Variants in MEI1 observed in about 807,000 individuals in gnomAD.
The protein encoded by MEI1 is meiosis inhibitor protein 1.
MEI1 carries 103 observed loss-of-function variants against 146.2 expected under a neutral mutation model. The observed-to-expected ratio is 0.70, with a 90% CI of 0.60 to 0.83. The LOEUF is 0.83. Ranked by LOEUF, MEI1 falls within the 40% of genes least tolerant of loss-of-function variation. The pLI is 0.00. For missense variants in MEI1, 1,529 were observed against 1,533.0 expected, an observed-to-expected ratio of 1.00 and a Z score of 0.04; for synonymous variants, 652 against 628.2, an observed-to-expected ratio of 1.04 and a Z score of -0.57.
intron 5 of MEI1, among the ~76,000 whole-genome samples, chr22:41,716,596 G>C (rs1383166364): frequency 8.0e-5 from 12 of 150,612 alleles, no homozygotes; most frequent in Non-Finnish European, 1.6e-4. Context: ...GGCTGGTCTT[G>C]ACCTCCCAAC....
At chr22:41,733,692 C>T (rs1378930169) in intron 11 of MEI1, among the ~76,000 whole-genome samples, 2 of 151,774 alleles carry the variant, frequency 1.3e-5, no homozygotes, top group Admixed American at 6.6e-5. Flanking sequence ...GCCAAGATTG[C>T]GCCACTGCAC....
intron 6 of MEI1, among the ~76,000 whole-genome samples, chr22:41,723,430 G>A (rs2071043743): frequency 2.0e-5 from 3 of 152,092 alleles, no homozygotes; most frequent in Admixed American, 6.6e-5. Context: ...GGCCAGGCTG[G>A]TCTTGAACTC....
In MEI1 at chr22:41,781,406, C is replaced by A. The variant is rs201742396; in HGVS notation, c.2926+12C>A. The A allele has an allele frequency of 1.9e-6, 3 of 1,594,016 alleles. No homozygotes were observed. The South Asian group carries it at 3.4e-5, about 18-fold the overall frequency. On this transcript the variant is annotated intron_variant, in intron 23 of 30. Coordinates refer to ENST00000401548, the MANE Select transcript of MEI1 (RefSeq NM_152513.4). The stretch of plus-strand genomic sequence containing the variant: ...CAGTCAGAAAAGAGGTGCAGGGGCC[C>A]GGGCTGGGACAGTGAAGAGTGCTGG...
chr22:41,743,149 C>T lies in MEI1; in HGVS notation c.1401C>T (p.Asn467=). Residue 467 remains asparagine (N), a synonymous_variant, in exon 12 of 31, where the codon AAC becomes AAT. Transcript: ENST00000401548. Reference sequence around the variant, plus strand: ...AGGCTTTGCTAGAAGCCATGCTAAACCGATGTGCGGAGTTTTCCCAGACCT... The same window carrying T: ...AGGCTTTGCTAGAAGCCATGCTAAATCGATGTGCGGAGTTTTCCCAGACCT... The part of the protein sequence containing the change: ...ELQALLEAML[N]RCAEFSQTLL... 1.2e-6 allele frequency: 2 copies of T among 1,613,348 alleles called. No homozygotes were observed. The highest frequency in any genetic ancestry group is 1.8e-4 in the Middle Eastern group (1 of 5,624).
In MEI1 at chr22:41,781,402, G is replaced by T. The variant is rs754806607; in HGVS notation, c.2926+8G>T. On this transcript the variant is annotated splice_region_variant and intron_variant, in intron 23 of 30. Coordinates refer to ENST00000401548, the MANE Select transcript of MEI1 (RefSeq NM_152513.4). Reference sequence around the variant, plus strand: ...CCAGCAGTCAGAAAAGAGGTGCAGGGGCCCGGGCTGGGACAGTGAAGAGTG... The same window carrying T: ...CCAGCAGTCAGAAAAGAGGTGCAGGTGCCCGGGCTGGGACAGTGAAGAGTG... 2.6e-5 allele frequency: 42 copies of T among 1,600,526 alleles called. No individual in the cohort carries two copies. Among genetic ancestry groups the T allele is most frequent in the Non-Finnish European group, 8.5e-6 (10 of 1,171,934 alleles).
rs1291661536 is a variant in MEI1, at chr22:41,705,522, A to C, written c.317A>C (p.Glu106Ala). The C allele has an allele frequency of 6.2e-7, 1 of 1,613,562 alleles. No individual in the cohort carries two copies. Among genetic ancestry groups the C allele is most frequent in the African/African-American group, 1.3e-5 (1 of 74,876 alleles). ...CTCCAAGGACTATTATGCAGCATGGAAGATGGGAGTGTGACAGACCTCTGT... is the reference window on the plus strand; with the variant it reads ...CTCCAAGGACTATTATGCAGCATGGCAGATGGGAGTGTGACAGACCTCTGT... ...SVLFGLLCSM[E>A]DGSVTDLCIE... Residue 106 changes from glutamate to alanine, a missense_variant, in exon 3 of 31, where the codon GAA becomes GCA. Physicochemically the swap from Glu to Ala is moderately radical, Grantham distance 107. Coordinates refer to ENST00000401548, the MANE Select transcript of MEI1 (RefSeq NM_152513.4).
At position 41,752,629 on chromosome 22, in the gene MEI1, G is replaced by T; in HGVS notation, c.1831G>T (p.Ala611Ser). The T allele has an allele frequency of 1.3e-6, 2 of 1,598,790 alleles. No homozygotes were observed. Among genetic ancestry groups the T allele is most frequent in the Non-Finnish European group, 1.7e-6 (2 of 1,172,798 alleles). ...SFIRLTLELKARFCSGLSHSA... is the reference protein window; with the variant it reads ...SFIRLTLELKSRFCSGLSHSA... ...CATACGACTGACCCTGGAGCTGAAG[G>T]CCAGGTTTTGCAGTGGTCTGAGGTA... Residue 611 changes from alanine to serine, a missense_variant, in exon 16 of 31, where the codon GCC (alanine) becomes TCC (serine). By Grantham distance (99) the Ala-to-Ser change is moderately conservative. Transcript: ENST00000401548.
At chr22:41,726,384 A>C (rs953075408) in intron 7 of MEI1, among the ~76,000 whole-genome samples, 2 of 152,242 alleles carry the variant, frequency 1.3e-5, no homozygotes, top group Admixed American at 6.5e-5. Context: ...AACTTAACTT[A>C]AAAGCAGTAA....
In MEI1 at chr22:41,703,473, T is replaced by C. The variant is rs2068860287; in HGVS notation, c.298+19T>C. The C allele has an allele frequency of 1.2e-5, 18 of 1,545,656 alleles. No individual in the cohort carries two copies. Among genetic ancestry groups the C allele is most frequent in the Non-Finnish European group, 1.5e-5 (17 of 1,146,386 alleles). On this transcript the variant is annotated intron_variant, in intron 2 of 30. Coordinates refer to ENST00000401548, the MANE Select transcript of MEI1 (RefSeq NM_152513.4). ...CTTTTTGGTAAGATTAAGAGGGAAA[T>C]TTGACATGAGTTTTGAATGTATAGT...
At chr22:41,756,474 T>G (rs1268788775) in intron 17 of MEI1, among the ~76,000 whole-genome samples, 1 of 151,910 alleles carries the variant, frequency 6.6e-6, no homozygotes, top group African/African-American at 2.4e-5. Context: ...GTCTTTTTCT[T>G]TCCTTTTTTT....
intron 3 of MEI1, among the ~76,000 whole-genome samples, chr22:41,709,692 ACCTGGTT>A (rs937410516): frequency 2.6e-5 from 4 of 152,000 alleles, no homozygotes; most frequent in African/African-American, 9.7e-5. Context: ...CCCAGAGAAT[ACCTGGTT>A]CCAGACATAG....
intron 18 of MEI1, among the ~76,000 whole-genome samples, chr22:41,760,330 A>G: frequency 6.6e-6 from 1 of 151,354 alleles, no homozygotes. Flanking sequence ...AAAAAAAAGA[A>G]TAAAAAAAAT....
At position 41,743,191 on chromosome 22, in the gene MEI1, C is replaced by T. The variant is rs777827938; in HGVS notation, c.1443C>T (p.Pro481=). 13 of 1,611,374 alleles carry T rather than the reference C, an allele frequency of 8.1e-6. No homozygotes were observed. Among genetic ancestry groups the T allele is most frequent in the South Asian group, 1.1e-5 (1 of 90,944 alleles). The change falls in exon 12 of 31, where the codon CCC becomes CCT. Residue 481 remains proline, a synonymous_variant. Coordinates refer to ENST00000401548, the MANE Select transcript of MEI1 (RefSeq NM_152513.4). ...EFSQTLLSRR[P]LGHASSRDSE... is the part of the protein sequence containing the mutation. Reference sequence around the variant, plus strand: ...CCCAGACCTTGCTGAGCAGGAGGCCCCTGGTCAGTGTACTGCAGCCTGCTG... The same window carrying T: ...CCCAGACCTTGCTGAGCAGGAGGCCTCTGGTCAGTGTACTGCAGCCTGCTG...
chr22:41,745,922 G>A lies in MEI1; in HGVS notation c.1576G>A (p.Glu526Lys), dbSNP rs754068154. The change falls in exon 14 of 31, where the codon GAG (glutamate) becomes AAG (lysine). Residue 526 changes from glutamate to lysine, a missense_variant. Coordinates refer to ENST00000401548, the MANE Select transcript of MEI1 (RefSeq NM_152513.4). ...ATTCCAGAGTGAGCCTTCAGCCCAG[G>A]AGAATCCATTCACAGCTCCCAGCGC... ...IEFQSEPSAQ[E>K]NPFTAPSAKK... is the part of the protein sequence containing the mutation. The A allele has an allele frequency of 1.2e-6, 2 of 1,613,432 alleles. No homozygotes were observed. The highest frequency in any genetic ancestry group is 2.2e-5 in the South Asian group (2 of 91,044).
At chr22:41,786,180 G>T (rs2075980133) in intron 26 of MEI1, among the ~76,000 whole-genome samples, 1 of 152,024 alleles carries the variant, frequency 6.6e-6, no homozygotes, top group African/African-American at 2.4e-5. Flanking sequence ...AAAGTGCTGG[G>T]ATTACAGGCG....
chr22:41,736,554 A>G, intron 11 of MEI1, among the ~76,000 whole-genome samples: 1 of 151,944 alleles, frequency 6.6e-6, no homozygotes, highest in Non-Finnish European at 1.5e-5. Flanking sequence ...CGCCTGGCCA[A>G]AAAATTTTTT....
intron 11 of MEI1, among the ~76,000 whole-genome samples, chr22:41,736,991 T>G (rs767653076): frequency 6.6e-6 from 1 of 152,194 alleles, no homozygotes; most frequent in Non-Finnish European, 1.5e-5. Flanking sequence ...AGAATTAGAT[T>G]TGGGTCCCTG....
chr22:41,732,647 C>G, intron 11 of MEI1, 44 bp downstream of exon 11: 1 of 1,589,312 alleles, frequency 6.3e-7, no homozygotes, highest in Non-Finnish European at 8.6e-7. Flanking sequence ...CTGCATATAC[C>G]TAAGGGCCTG....
chr22:41,757,126 G>A (rs1351885175), intron 17 of MEI1, among the ~76,000 whole-genome samples: 3 of 152,112 alleles, frequency 2.0e-5, no homozygotes, highest in South Asian at 2.1e-4. Context: ...ACGGAGTCTC[G>A]CTCTGTCGCC....
Sources: allele counts gnomAD v4.1 joint callset (sites outside exome capture counted in the v4.1 genomes callset), GRCh38; gene constraint gnomAD v4.1.1; transcripts MANE v1.5; gene names NCBI Gene and HGNC (gene_info 2026-07-23, HGNC 2026-07-21).